Variants in KLHL3 observed in about 807,000 individuals in gnomAD.
The protein encoded by KLHL3 is kelch-like protein 3.
Under a neutral mutation model 70.5 loss-of-function variants are expected in KLHL3, and 19 were observed. That is an observed-to-expected ratio of 0.27 (90% CI 0.19 to 0.40). The LOEUF is 0.40. Among genes scored for constraint, KLHL3 ranks in the 10% least tolerant of loss-of-function variants. The probability of loss-of-function intolerance (pLI) is 1.00; values close to 1 mark genes in which losing one functional copy is unlikely to be tolerated. For missense variants in KLHL3, 512 were observed against 771.1 expected, an observed-to-expected ratio of 0.66 and a Z score of 3.98; for synonymous variants, 258 against 290.3, an observed-to-expected ratio of 0.89 and a Z score of 1.13.
At chr5:137,691,084 C>T (rs1315543787) in intron 5 of KLHL3, among the ~76,000 whole-genome samples, 1 of 152,212 alleles carries the variant, frequency 6.6e-6, no homozygotes, top group African/African-American at 2.4e-5. Context: ...CTCCCAAAAC[C>T]CCATTAAAAT....
intron 5 of KLHL3, 39 bp from the exon 6 acceptor site, chr5:137,677,693 G>T: frequency 7.8e-7 from 1 of 1,287,206 alleles, no homozygotes; most frequent in Non-Finnish European, 1.1e-6. Flanking sequence ...AGAAAACAAA[G>T]TTGTAACACA....
At chr5:137,668,446 T>A (rs986156250) in intron 6 of KLHL3, among the ~76,000 whole-genome samples, 1 of 152,080 alleles carries the variant, frequency 6.6e-6, no homozygotes, top group Non-Finnish European at 1.5e-5. Context: ...GGCAGACTGT[T>A]GAGTTGGGGA....
intron 13 of KLHL3, 46 bp from the exon 14 acceptor site, chr5:137,625,942 T>C: frequency 6.2e-7 from 1 of 1,612,470 alleles, no homozygotes; most frequent in Non-Finnish European, 8.5e-7. Context: ...GCAGGTGCAC[T>C]AAGAGATCAG....
intron 13 of KLHL3, among the ~76,000 whole-genome samples, chr5:137,627,048 ATG>A (rs1377886599): frequency 2.0e-5 from 3 of 152,150 alleles, no homozygotes; most frequent in Non-Finnish European, 4.4e-5. Context: ...ATAATTTTAA[ATG>A]TGTGTACTAA....
At chr5:137,717,885 T>C (rs1256351877) in intron 2 of KLHL3, among the ~76,000 whole-genome samples, 1 of 152,154 alleles carries the variant, frequency 6.6e-6, no homozygotes, top group Non-Finnish European at 1.5e-5. Flanking sequence ...GAGAATAAGA[T>C]TATTCACTTA....
intron 2 of KLHL3, among the ~76,000 whole-genome samples, chr5:137,718,390 T>G (rs1752936509): frequency 6.6e-6 from 1 of 152,252 alleles, no homozygotes; most frequent in East Asian, 1.9e-4. Flanking sequence ...CCCAACATTT[T>G]GGGAGGCCAC....
intron 4 of KLHL3, among the ~76,000 whole-genome samples, chr5:137,695,351 C>T (rs996137513): frequency 3.3e-5 from 5 of 152,070 alleles, no homozygotes; most frequent in African/African-American, 4.8e-5. Context: ...CTTCCCAAAC[C>T]GACTTCCTAA....
chr5:137,724,300 T>C (rs1188952523), intron 1 of KLHL3, among the ~76,000 whole-genome samples: 1 of 152,166 alleles, frequency 6.6e-6, no homozygotes, highest in Non-Finnish European at 1.5e-5. Flanking sequence ...TGAACAGATA[T>C]TATTAGCTTC....
intron 4 of KLHL3, among the ~76,000 whole-genome samples, chr5:137,693,976 T>TG (rs1365435836): frequency 6.6e-6 from 1 of 152,114 alleles, no homozygotes; most frequent in African/African-American, 2.4e-5. Context: ...TCTGCCCCAC[T>TG]GCCCATTTGG....
chr5:137,704,333 C>T (rs1293431434), intron 3 of KLHL3, among the ~76,000 whole-genome samples: 4 of 151,496 alleles, frequency 2.6e-5, no homozygotes, highest in Admixed American at 6.6e-5. Context: ...TGCAGTGAGC[C>T]GAGATTGCGC....
chr5:137,677,493 C>T (rs1751912810), intron 6 of KLHL3, 52 bp downstream of exon 6: 1 of 1,056,142 alleles, frequency 9.5e-7, no homozygotes, highest in African/African-American at 1.6e-5. Flanking sequence ...AAGTCCTTCC[C>T]ATGACCACCT....
intron 8 of KLHL3, among the ~76,000 whole-genome samples, chr5:137,657,140 A>G (rs1482624179): frequency 1.3e-5 from 2 of 152,228 alleles, no homozygotes; most frequent in Non-Finnish European, 2.9e-5. Context: ...GAGAATTCCA[A>G]CACCTGGTCT....
intron 8 of KLHL3, among the ~76,000 whole-genome samples, chr5:137,656,495 G>A (rs1751349185): frequency 6.6e-6 from 1 of 152,142 alleles, no homozygotes. Flanking sequence ...TTTTATCCTA[G>A]GAGACATTTC....
At chr5:137,667,999 C>CTGTACAAA (rs113605663) in intron 6 of KLHL3, among the ~76,000 whole-genome samples, 2 of 151,936 alleles carry the variant, frequency 1.3e-5, no homozygotes, top group African/African-American at 2.4e-5. Context: ...GGTTAGCAAG[C>CTGTACAAA]TGTACAAGGT....
At chr5:137,686,276 C>G (rs1314545044) in intron 5 of KLHL3, among the ~76,000 whole-genome samples, 1 of 152,182 alleles carries the variant, frequency 6.6e-6, no homozygotes, top group African/African-American at 2.4e-5. Context: ...CTGCCTGGAC[C>G]CAACTGTGAA....
rs771141025 is a variant in KLHL3, at chr5:137,661,985, C to T, written c.683G>A (p.Arg228His). The change falls in exon 7 of 15, where the codon CGT becomes CAT. Residue 228 changes from arginine to histidine, a missense_variant. Arg to His is a conservative substitution (Grantham distance 29). Coordinates refer to ENST00000309755, the MANE Select transcript of KLHL3 (RefSeq NM_017415.3). ...ISWINYEKETRLEHMAKLMEH... is the reference protein window; with the variant it reads ...ISWINYEKETHLEHMAKLMEH... ...CATCAGCTTTGCCATGTGCTCTAAA[C>T]GGGTTTCTTTCTCATAATTGATCCA... is the stretch of plus-strand genomic sequence containing the variant. 1.9e-6 allele frequency: 3 copies of T among 1,613,210 alleles called. No individual in the cohort carries two copies. Among genetic ancestry groups the T allele is most frequent in the East Asian group, 2.2e-5 (1 of 44,844 alleles).
rs1267127456 is a variant in KLHL3 at position 137,619,725 on chromosome 5, G to A, written c.*2373C>T. On this transcript the variant is annotated 3_prime_UTR_variant, in exon 15 of 15. Transcript: ENST00000309755. The stretch of plus-strand genomic sequence containing the variant: ...GGATACATGAGGATGGAGTGCACAT[G>A]GCCTTGGCAGCACGCCCAGTAGAGG... The A allele has an allele frequency of 6.5e-6, 1 of 152,716 alleles. No homozygotes were observed. Among genetic ancestry groups the A allele is most frequent in the Non-Finnish European group, 1.5e-5 (1 of 68,086 alleles). The allele number at this position is 152,716 out of a possible 1,614,324, so 9.5% of individuals were successfully genotyped here.
intron 14 of KLHL3, among the ~76,000 whole-genome samples, 196 bp downstream of exon 14, chr5:137,625,557 G>T (rs955364477): frequency 1.3e-5 from 2 of 152,146 alleles, no homozygotes; most frequent in Admixed American, 6.5e-5. Flanking sequence ...GTTAATAAGT[G>T]CTAATTATCA....
chr5:137,687,250 G>A (rs1334802764), intron 5 of KLHL3, among the ~76,000 whole-genome samples: 5 of 38,448 alleles, frequency 1.3e-4, no homozygotes, highest in African/African-American at 5.2e-4. Flanking sequence ...GGGAGGCGCG[G>A]GGGGGGGTCG....
Sources: allele counts gnomAD v4.1 joint callset (sites outside exome capture counted in the v4.1 genomes callset), GRCh38; gene constraint gnomAD v4.1.1; transcripts MANE v1.5; gene names NCBI Gene and HGNC (gene_info 2026-07-23, HGNC 2026-07-21).